Variants in PCCA observed in about 807,000 individuals in gnomAD.
The protein encoded by PCCA is propionyl-CoA carboxylase alpha chain, mitochondrial.
Under a neutral mutation model 101.3 loss-of-function variants are expected in PCCA, and 74 were observed. The ratio of observed to expected loss-of-function variants is 0.73; its 90% confidence interval spans 0.61 to 0.89. PCCA has a LOEUF of 0.89. Ranked by LOEUF, PCCA falls within the 40% of genes least tolerant of loss-of-function variation. The pLI, the probability that PCCA is intolerant of heterozygous loss-of-function variation, is 0.00. For synonymous variants in PCCA, 294 were observed against 313.6 expected (o/e 0.94, Z 0.66); for missense variants, 891 against 907.0 (o/e 0.98, Z 0.23).
chr13:100,290,692 G>A (rs111745742), intron 12 of PCCA, among the ~76,000 whole-genome samples: 2,575 of 152,190 alleles, frequency 0.017, 94 homozygotes, highest in African/African-American at 0.059. Context: ...CCTTCCATCA[G>A]CAATTTTCTC....
At chr13:100,317,661 A>C (rs537615535) in intron 16 of PCCA, among the ~76,000 whole-genome samples, 64 of 152,226 alleles carry the variant, frequency 4.2e-4, no homozygotes, top group African/African-American at 1.5e-3. Flanking sequence ...CCCAGGGCTC[A>C]TTGCAGTCTT....
At chr13:100,281,442 A>G (rs2064111680) in intron 12 of PCCA, among the ~76,000 whole-genome samples, 3 of 152,224 alleles carry the variant, frequency 2.0e-5, no homozygotes, top group African/African-American at 7.2e-5. Flanking sequence ...ATCATGTTCT[A>G]TACTATCCAC....
At chr13:100,329,462 G>A (rs138008022) in intron 16 of PCCA, among the ~76,000 whole-genome samples, 238 of 152,232 alleles carry the variant, frequency 1.6e-3, no homozygotes, top group African/African-American at 5.5e-3. Flanking sequence ...AACCAATTGA[G>A]AGCAGTCATC....
intron 19 of PCCA, among the ~76,000 whole-genome samples, chr13:100,417,108 G>A (rs2152879691): frequency 6.6e-6 from 1 of 152,116 alleles, no homozygotes; most frequent in South Asian, 2.1e-4. Context: ...CTCCCAAAGT[G>A]CTGGGATTAC....
At chr13:100,111,170 C>T (rs1017263615) in intron 2 of PCCA, among the ~76,000 whole-genome samples, 4 of 148,932 alleles carry the variant, frequency 2.7e-5, no homozygotes, top group Non-Finnish European at 4.5e-5. Context: ...TACCACTAGA[C>T]CCAGCTCCTT....
In PCCA at chr13:100,163,483, G is replaced by A. The variant is rs572268857; in HGVS notation, c.468+6143G>A. Among the ~76,000 whole-genome samples, 332 of 152,250 alleles carry A rather than the reference G, an allele frequency of 2.2e-3. 4 individuals are homozygous for A. The highest frequency in any genetic ancestry group is 7.7e-3 in the African/African-American group (322 of 41,554). On this transcript the variant is annotated intron_variant, in intron 6 of 23. Coordinates refer to ENST00000376285, the MANE Select transcript of PCCA (RefSeq NM_000282.4). ...AATACTGTGTGTTTCTTGTAGCCAGGATGTAGTTGTGTCATGCTTTTGAAA... is the reference window on the plus strand; with the variant it reads ...AATACTGTGTGTTTCTTGTAGCCAGAATGTAGTTGTGTCATGCTTTTGAAA...
At chr13:100,375,128 A>C (rs2075821283) in intron 19 of PCCA, among the ~76,000 whole-genome samples, 1 of 152,154 alleles carries the variant, frequency 6.6e-6, no homozygotes. Context: ...TTATTTACCC[A>C]GTAGTCATTC....
intron 21 of PCCA, among the ~76,000 whole-genome samples, chr13:100,476,185 T>A (rs1299863072): frequency 1.3e-5 from 2 of 152,198 alleles, no homozygotes; most frequent in South Asian, 4.1e-4. Context: ...AAGAGAAAAT[T>A]AATGCTGTTT....
intron 6 of PCCA, among the ~76,000 whole-genome samples, chr13:100,174,539 C>T (rs957564000): frequency 2.7e-5 from 4 of 149,416 alleles, no homozygotes; most frequent in Non-Finnish European, 5.9e-5. Context: ...ATCAGCCTGG[C>T]CAACATGGCG....
intron 21 of PCCA, among the ~76,000 whole-genome samples, chr13:100,457,307 C>G (rs1056216424): frequency 5.3e-5 from 8 of 152,096 alleles, no homozygotes; most frequent in Non-Finnish European, 2.9e-5. Flanking sequence ...TAATCTTTCA[C>G]GCACACGTTC....
intron 4 of PCCA, among the ~76,000 whole-genome samples, chr13:100,134,052 C>T (rs1267280330): frequency 6.6e-6 from 1 of 152,140 alleles, no homozygotes; most frequent in Non-Finnish European, 1.5e-5. Context: ...ACTGGCTTCC[C>T]TGCTCTTAGC....
At chr13:100,288,849 T>C (rs2064903583) in intron 12 of PCCA, among the ~76,000 whole-genome samples, 1 of 152,088 alleles carries the variant, frequency 6.6e-6, no homozygotes, top group South Asian at 2.1e-4. Context: ...TGTGTCTGTC[T>C]CACTTTCTTT....
intron 19 of PCCA, among the ~76,000 whole-genome samples, chr13:100,385,684 A>T (rs557953145): frequency 1.3e-5 from 2 of 152,242 alleles, no homozygotes; most frequent in Admixed American, 1.3e-4. Flanking sequence ...GTGCAGTGGC[A>T]TGATCACGGC....
At chr13:100,102,362 A>G (rs2047357336) in intron 1 of PCCA, among the ~76,000 whole-genome samples, 1 of 152,214 alleles carries the variant, frequency 6.6e-6, no homozygotes, top group Admixed American at 6.5e-5. Flanking sequence ...CAAACAGTTC[A>G]ATGAATGAGA....
At chr13:100,269,335 C>A (rs530260685) in intron 11 of PCCA, among the ~76,000 whole-genome samples, 22 of 152,192 alleles carry the variant, frequency 1.4e-4, no homozygotes, top group Middle Eastern at 3.4e-3. Context: ...GGGTAGACAG[C>A]CAACTGTGAC....
At chr13:100,242,843 C>T (rs991056454) in intron 8 of PCCA, among the ~76,000 whole-genome samples, 16 of 151,974 alleles carry the variant, frequency 1.1e-4, no homozygotes, top group African/African-American at 3.4e-4. Context: ...TTTTTCTTTG[C>T]AAATGATTGC....
chr13:100,225,821 C>T lies in PCCA; in HGVS notation c.601-10021C>T, dbSNP rs573458678. 2.6e-4 allele frequency among the ~76,000 whole-genome samples: 39 copies of T among 152,014 alleles called. 1 individual carries two copies. In the South Asian group the frequency reaches 7.9e-3, roughly 31 times the overall value. ...TTTTTTTCTTTGAGACGAAGAGTGT[C>T]GCTCAGTCACCCAGGCTGGAGTGCA... On this transcript the variant is annotated intron_variant, in intron 7 of 23. Transcript: ENST00000376285.
At chr13:100,115,790 T>C (rs1043728721) in intron 4 of PCCA, among the ~76,000 whole-genome samples, 1 of 152,228 alleles carries the variant, frequency 6.6e-6, no homozygotes, top group Non-Finnish European at 1.5e-5. Flanking sequence ...TTTTACATTT[T>C]AGAGACTTTT....
chr13:100,423,356 T>C (rs2078948726), intron 19 of PCCA, among the ~76,000 whole-genome samples: 1 of 152,238 alleles, frequency 6.6e-6, no homozygotes, highest in Admixed American at 6.5e-5. Flanking sequence ...AGACATTCTC[T>C]ACTTCTCCTT....
Sources: allele counts gnomAD v4.1 joint callset (sites outside exome capture counted in the v4.1 genomes callset), GRCh38; gene constraint gnomAD v4.1.1; transcripts MANE v1.5; gene names NCBI Gene and HGNC (gene_info 2026-07-23, HGNC 2026-07-21).